The following ARID3B variants were observed in gnomAD, a reference collection of about 807,000 sequenced individuals.
ARID3B encodes the protein AT-rich interaction domain 3B.
In ARID3B, 10 loss-of-function variants were observed where a neutral mutation model predicts 51.9. The observed-to-expected ratio is 0.19, with a 90% CI of 0.12 to 0.33. The LOEUF (loss-of-function observed/expected upper bound fraction) is 0.33, where lower values mean the gene tolerates loss of function less well. Ranked by LOEUF, ARID3B falls within the 10% of genes least tolerant of loss-of-function variation. The probability of loss-of-function intolerance (pLI) is 1.00; values close to 1 mark genes in which losing one functional copy is unlikely to be tolerated. For missense variants in ARID3B, 483 were observed against 716.3 expected (o/e 0.67, Z 3.72); for synonymous variants, 205 against 279.5 (o/e 0.73, Z 2.66).
At chr15:74,547,222 G>T (rs1297025218) in intron 2 of ARID3B, among the ~76,000 whole-genome samples, 1 of 150,846 alleles carries the variant, frequency 6.6e-6, no homozygotes, top group East Asian at 2.0e-4. Context: ...GCAGTGGCGC[G>T]ATCTCGGCTT....
intron 2 of ARID3B, among the ~76,000 whole-genome samples, chr15:74,559,570 G>A (rs1438385700): frequency 2.6e-5 from 4 of 152,196 alleles, no homozygotes; most frequent in Non-Finnish European, 5.9e-5. Flanking sequence ...AAAAGGTCAA[G>A]TGGGAAGCTT....
intron 4 of ARID3B, among the ~76,000 whole-genome samples, chr15:74,589,121 G>A (rs987693621): frequency 1.4e-5 from 2 of 141,784 alleles, no homozygotes; most frequent in Admixed American, 7.7e-5. Context: ...TCCGCCTCCC[G>A]GGTTCATGCC....
chr15:74,572,834 C>T (rs2141465736), intron 2 of ARID3B, 28 bp from the exon 3 acceptor site: 1 of 1,611,844 alleles, frequency 6.2e-7, no homozygotes, highest in Admixed American at 1.7e-5. Context: ...CTTTGCCCCT[C>T]TCAACTTTGT....
intron 2 of ARID3B, among the ~76,000 whole-genome samples, chr15:74,548,270 G>T (rs1025973698): frequency 6.6e-6 from 1 of 152,190 alleles, no homozygotes; most frequent in Non-Finnish European, 1.5e-5. Context: ...AGCAGTACAG[G>T]CTGGGTCTGT....
intron 4 of ARID3B, among the ~76,000 whole-genome samples, chr15:74,578,742 T>A (rs915221421): frequency 2.6e-5 from 4 of 152,132 alleles, no homozygotes; most frequent in African/African-American, 7.2e-5. Context: ...CATTTTTTTT[T>A]AATTAGCTGA....
chr15:74,595,949 G>A lies in ARID3B; in HGVS notation c.*175G>A. On this transcript the variant is annotated 3_prime_UTR_variant, in exon 9 of 9. Coordinates refer to ENST00000346246, the MANE Select transcript of ARID3B (RefSeq NM_006465.4). ...CATTCAGGTCCTGCTGTACTCTGGG[G>A]GCAGGGAGAGGCTAGAGGGGCAGGA... 1 of 734,804 alleles carries A rather than the reference G, an allele frequency of 1.4e-6. No homozygotes were observed. Among genetic ancestry groups the A allele is most frequent in the Admixed American group, 3.1e-5 (1 of 32,260 alleles). The allele number at this position is 734,804 out of a possible 1,614,324, so 45.5% of individuals were successfully genotyped here. A position where few individuals can be genotyped will look rare whatever the true frequency, so the allele number is the denominator to read the frequency against.
chr15:74,588,082 A>G (rs1757081043), intron 4 of ARID3B, among the ~76,000 whole-genome samples: 1 of 151,950 alleles, frequency 6.6e-6, no homozygotes, highest in Admixed American at 6.6e-5. Flanking sequence ...CTCTACAGAA[A>G]ATGTTTTTAA....
At chr15:74,568,217 C>T (rs546631038) in intron 2 of ARID3B, among the ~76,000 whole-genome samples, 274 of 152,194 alleles carry the variant, frequency 1.8e-3, no homozygotes, top group Non-Finnish European at 1.5e-3. Flanking sequence ...TGAGATAAAG[C>T]AAAGATAAAA....
intron 2 of ARID3B, among the ~76,000 whole-genome samples, chr15:74,560,879 T>C (rs1319361076): frequency 2.0e-5 from 3 of 152,258 alleles, no homozygotes; most frequent in Non-Finnish European, 4.4e-5. Flanking sequence ...AGCTTTTCAA[T>C]ATATACTGTT....
intron 2 of ARID3B, 146 bp from the exon 3 acceptor site, chr15:74,572,716 G>A (rs1180612896): frequency 1.4e-6 from 1 of 715,912 alleles, no homozygotes; most frequent in Admixed American, 2.6e-5. Context: ...GGCAGAATTA[G>A]TCTTCTGAGT....
chr15:74,569,020 C>G (rs1300767353), intron 2 of ARID3B, among the ~76,000 whole-genome samples: 1 of 152,208 alleles, frequency 6.6e-6, no homozygotes, highest in East Asian at 1.9e-4. Context: ...CTCTGCTGTT[C>G]CCTGCTTTCT....
intron 2 of ARID3B, among the ~76,000 whole-genome samples, chr15:74,547,552 G>C (rs1254987788): frequency 6.6e-6 from 1 of 152,112 alleles, no homozygotes; most frequent in East Asian, 1.9e-4. Flanking sequence ...CTTTTACAGA[G>C]GCTTCTTTGT....
intron 2 of ARID3B, among the ~76,000 whole-genome samples, chr15:74,559,244 T>C (rs1220360654): frequency 3.3e-5 from 5 of 152,210 alleles, no homozygotes; most frequent in Admixed American, 6.5e-5. Flanking sequence ...ATTGCTACCA[T>C]TTTGTTTCTG....
At position 74,547,490 on chromosome 15, in the gene ARID3B, G is replaced by C. The variant is rs183899151; in HGVS notation, c.552+3002G>C. Among the ~76,000 whole-genome samples the C allele has an allele frequency of 2.6e-5, 4 of 152,254 alleles. No individual in the cohort carries two copies. The East Asian group carries it at 5.8e-4, about 22-fold the overall frequency. ...GAGCCACCGCGCCTACCCTGACACA[G>C]ATCTTATTGTTAATGTGATACAGTG... is the stretch of plus-strand genomic sequence containing the variant. On this transcript the variant is annotated intron_variant, in intron 2 of 8. Transcript: ENST00000346246.
chr15:74,579,000 G>A (rs1443557376), intron 4 of ARID3B, among the ~76,000 whole-genome samples: 3 of 152,236 alleles, frequency 2.0e-5, no homozygotes, highest in Admixed American at 6.5e-5. Context: ...CACCCAGGTG[G>A]GCTGTGAGAG....
At chr15:74,574,977 G>C (rs1302604525) in intron 4 of ARID3B, 1 of 149,776 alleles carries the variant, frequency 6.7e-6, no homozygotes, top group Non-Finnish European at 1.5e-5. Context: ...CCTCCATCCT[G>C]GCGACAGAGC....
intron 2 of ARID3B, among the ~76,000 whole-genome samples, chr15:74,552,441 C>T (rs1257785828): frequency 7.5e-5 from 11 of 147,162 alleles, no homozygotes; most frequent in Non-Finnish European, 1.6e-4. Flanking sequence ...GTAATCCACA[C>T]ACCTTGGCCT....
At chr15:74,565,139 G>A (rs1474978909) in intron 2 of ARID3B, among the ~76,000 whole-genome samples, 2 of 151,852 alleles carry the variant, frequency 1.3e-5, no homozygotes, top group Non-Finnish European at 1.5e-5. Context: ...CAGCCTCCCA[G>A]GCTCAAGCGC....
At chr15:74,587,559 G>A (rs2061785955) in intron 4 of ARID3B, among the ~76,000 whole-genome samples, 1 of 152,202 alleles carries the variant, frequency 6.6e-6, no homozygotes, top group Admixed American at 6.5e-5. Context: ...GATGCCCTAG[G>A]AGCTTCCGGA....
Sources: allele counts gnomAD v4.1 joint callset (sites outside exome capture counted in the v4.1 genomes callset), GRCh38; gene constraint gnomAD v4.1.1; transcripts MANE v1.5; gene names NCBI Gene and HGNC (gene_info 2026-07-23, HGNC 2026-07-21).